Variants in PIGK observed in about 807,000 individuals in gnomAD.
The protein encoded by PIGK is GPI-anchor transamidase.
A neutral mutation model predicts 50.6 loss-of-function variants in PIGK; 42 were observed. The ratio of observed to expected loss-of-function variants is 0.83; its 90% CI spans 0.65 to 1.07. PIGK has a LOEUF of 1.07. PIGK is among the 50% of genes least tolerant of loss of function. The pLI is 0.00. For missense variants in PIGK, 448 were observed against 488.7 expected (o/e 0.92, Z 0.78); for synonymous variants, 151 against 156.0 (o/e 0.97, Z 0.24).
chr1:77,185,053 A>C (rs924071215), intron 3 of PIGK, among the ~76,000 whole-genome samples: 1 of 152,212 alleles, frequency 6.6e-6, no homozygotes, highest in Non-Finnish European at 1.5e-5. Context: ...CTCCAATTAC[A>C]GCTGCTGTTC....
intron 8 of PIGK, among the ~76,000 whole-genome samples, chr1:77,157,303 A>G (rs1655029996): frequency 6.6e-6 from 1 of 152,194 alleles, no homozygotes; most frequent in African/African-American, 2.4e-5. Context: ...TAAGATTACA[A>G]TAGTCATCAT....
rs376730920 is a variant in PIGK, at chr1:77,111,160, T to G, written c.1071+11115A>C. Among the ~76,000 whole-genome samples the G allele has an allele frequency of 1.2e-3, 176 of 152,110 alleles. 2 individuals are homozygous for G. Among genetic ancestry groups the G allele is most frequent in the Non-Finnish European group, 1.8e-3 (122 of 68,006 alleles). Reference sequence around the variant, plus strand: ...AGGAACACTTTTACACTGTTGGTGGTACTGTAAACTAGTTCAACCATTGTG... The same window carrying G: ...AGGAACACTTTTACACTGTTGGTGGGACTGTAAACTAGTTCAACCATTGTG... On this transcript the variant is annotated intron_variant, in intron 10 of 10. Transcript: ENST00000370812.
intron 10 of PIGK, among the ~76,000 whole-genome samples, chr1:77,114,699 G>T (rs1653924474): frequency 6.6e-6 from 1 of 152,026 alleles, no homozygotes; most frequent in African/African-American, 2.4e-5. Flanking sequence ...TTTGGAAGTG[G>T]CTGTAATAAG....
intron 9 of PIGK, among the ~76,000 whole-genome samples, chr1:77,135,342 T>C (rs1399030108): frequency 3.3e-5 from 5 of 152,070 alleles, no homozygotes; most frequent in African/African-American, 4.8e-5. Flanking sequence ...TTAGTTATCT[T>C]GCTTATGATT....
At chr1:77,114,767 G>C (rs111726952) in intron 10 of PIGK, among the ~76,000 whole-genome samples, 5 of 152,252 alleles carry the variant, frequency 3.3e-5, no homozygotes, top group African/African-American at 1.2e-4. Flanking sequence ...CTGATATTAA[G>C]AGATTAGCCC....
At chr1:77,217,063 G>A (rs1656585479) in intron 1 of PIGK, among the ~76,000 whole-genome samples, 1 of 152,166 alleles carries the variant, frequency 6.6e-6, no homozygotes, top group African/African-American at 2.4e-5. Context: ...CAATAAAGAG[G>A]AGCATGCAAA....
At chr1:77,170,502 C>T (rs1289727950) in intron 3 of PIGK, among the ~76,000 whole-genome samples, 1 of 152,056 alleles carries the variant, frequency 6.6e-6, no homozygotes. Flanking sequence ...ATCTGAAATC[C>T]CCATCATCTC....
At chr1:77,172,070 ATT>A (rs34115617) in intron 3 of PIGK, among the ~76,000 whole-genome samples, 1,681 of 130,930 alleles carry the variant, frequency 0.013, 21 homozygotes, top group African/African-American at 0.045. Flanking sequence ...TCTACATTTA[ATT>A]TTTTTTTTTT....
rs148166754 is a variant in PIGK at position 77,134,193 on chromosome 1, T to C, written c.987-11834A>G. Among the ~76,000 whole-genome samples the C allele has an allele frequency of 2.6e-3, 391 of 152,296 alleles. 2 individuals are homozygous for C. The highest frequency in any genetic ancestry group is 8.3e-3 in the African/African-American group (347 of 41,572). On this transcript the variant is annotated intron_variant, in intron 9 of 10. Transcript: ENST00000370812. ...TTGCTGCACCCGGAAAAAGCAAGTG[T>C]ACCCAAGAGAAAAAAGTGGCTAGAA...
At chr1:77,211,793 G>GTTTC (rs1253711066) in intron 1 of PIGK, among the ~76,000 whole-genome samples, 2 of 146,236 alleles carry the variant, frequency 1.4e-5, no homozygotes, top group African/African-American at 2.6e-5. Context: ...GATTGCTGAG[G>GTTTC]TTTCTTTCTT....
rs748983258 is a variant in PIGK at position 77,210,526 on chromosome 1, A to G, written c.94-37T>C. 41 of 1,345,344 alleles carry G rather than the reference A, an allele frequency of 3.0e-5. 1 individual carries two copies. The East Asian group carries it at 1.0e-3, about 33-fold the overall frequency. 83.3% of individuals were successfully genotyped at this position (1,345,344 alleles called of 1,614,324 possible). On this transcript the variant is annotated intron_variant, in intron 1 of 10. Coordinates refer to ENST00000370812, the MANE Select transcript of PIGK (RefSeq NM_005482.3). ...AAAACAAATAGAAGAAAAAGGCACA[A>G]TTTCTCAGAATAAAGACTGATAATG...
chr1:77,109,855 G>C (rs1653795683), intron 10 of PIGK, among the ~76,000 whole-genome samples: 1 of 152,148 alleles, frequency 6.6e-6, no homozygotes, highest in South Asian at 2.1e-4. Context: ...TGTATATCTA[G>C]AAAACCCCAT....
At chr1:77,158,584 G>T (rs1266676705) in intron 8 of PIGK, among the ~76,000 whole-genome samples, 1 of 152,144 alleles carries the variant, frequency 6.6e-6, no homozygotes, top group Non-Finnish European at 1.5e-5. Context: ...CCAGGCTGAG[G>T]TGGACTCAGA....
At chr1:77,174,133 T>C (rs1655428036) in intron 3 of PIGK, among the ~76,000 whole-genome samples, 1 of 152,248 alleles carries the variant, frequency 6.6e-6, no homozygotes, top group South Asian at 2.1e-4. Flanking sequence ...TCTGGTTTGA[T>C]ATCTGTATGA....
chr1:77,160,500 T>C (rs1330047182), intron 8 of PIGK, among the ~76,000 whole-genome samples: 2 of 152,110 alleles, frequency 1.3e-5, no homozygotes, highest in African/African-American at 2.4e-5. Context: ...TCATTCTAAG[T>C]CCCATGAAAG....
chr1:77,210,374 C>A, intron 2 of PIGK, 62 bp downstream of exon 2: 2 of 944,454 alleles, frequency 2.1e-6, no homozygotes, highest in Non-Finnish European at 1.5e-6. Context: ...ATTTGATTCA[C>A]ACAAATTTCT....
At chr1:77,116,915 G>GT (rs1653988686) in intron 10 of PIGK, among the ~76,000 whole-genome samples, 2 of 151,986 alleles carry the variant, frequency 1.3e-5, no homozygotes, top group Non-Finnish European at 1.5e-5. Flanking sequence ...TTGTATTAAC[G>GT]TAACTTTTAC....
At chr1:77,139,057 T>C (rs150404113) in intron 9 of PIGK, among the ~76,000 whole-genome samples, 1 of 152,202 alleles carries the variant, frequency 6.6e-6, no homozygotes, top group Non-Finnish European at 1.5e-5. Flanking sequence ...TAGAAGTTAA[T>C]GGTTTTATGT....
intron 3 of PIGK, among the ~76,000 whole-genome samples, chr1:77,179,792 A>G (rs1364878775): frequency 6.6e-6 from 1 of 152,196 alleles, no homozygotes. Flanking sequence ...TGTTCATAAA[A>G]GTATGTTGTA....
Sources: allele counts gnomAD v4.1 joint callset (sites outside exome capture counted in the v4.1 genomes callset), GRCh38; gene constraint gnomAD v4.1.1; transcripts MANE v1.5; gene names NCBI Gene and HGNC (gene_info 2026-07-23, HGNC 2026-07-21).